The following PHACTR1 variants were observed in gnomAD, a reference collection of about 807,000 sequenced individuals.
The protein encoded by PHACTR1 is RPEL repeat containing 1.
Under a neutral mutation model 69.2 loss-of-function variants are expected in PHACTR1, and 16 were observed. The observed-to-expected ratio is 0.23, with a 90% CI of 0.16 to 0.35. The LOEUF (loss-of-function observed/expected upper bound fraction) is 0.35, where lower values mean the gene tolerates loss of function less well. PHACTR1 is among the 10% of genes least tolerant of loss of function. The pLI, the probability that PHACTR1 is intolerant of heterozygous loss-of-function variation, is 1.00. For missense variants in PHACTR1, 510 were observed against 734.7 expected, an observed-to-expected ratio of 0.69 and a Z score of 3.54; for synonymous variants, 312 against 284.5, an observed-to-expected ratio of 1.10 and a Z score of -0.97.
At chr6:13,219,752 T>C (rs910792534) in intron 8 of PHACTR1, among the ~76,000 whole-genome samples, 1 of 152,226 alleles carries the variant, frequency 6.6e-6, no homozygotes, top group Non-Finnish European at 1.5e-5. Flanking sequence ...AGCTGGATTG[T>C]GTGAACATCT....
intron 4 of PHACTR1, among the ~76,000 whole-genome samples, chr6:12,994,983 A>G (rs1028511173): frequency 2.6e-4 from 40 of 152,288 alleles, no homozygotes; most frequent in African/African-American, 8.9e-4. Context: ...ATCGCCTGCC[A>G]TTCAGAAAGA....
chr6:12,923,578 T>C (rs1353889836), intron 4 of PHACTR1, among the ~76,000 whole-genome samples: 3 of 152,210 alleles, frequency 2.0e-5, no homozygotes, highest in Non-Finnish European at 4.4e-5. Flanking sequence ...TTGAAATTAT[T>C]TCCATGGAAG....
intron 4 of PHACTR1, among the ~76,000 whole-genome samples, chr6:13,007,801 T>TTCAA (rs1325738330): frequency 2.0e-5 from 3 of 152,100 alleles, no homozygotes. Flanking sequence ...ATAGTTCTCC[T>TTCAA]TCAATCACCT....
intron 4 of PHACTR1, among the ~76,000 whole-genome samples, chr6:12,998,193 C>T: frequency 6.6e-6 from 1 of 152,106 alleles, no homozygotes; most frequent in East Asian, 1.9e-4. Context: ...GGCTTCCTGG[C>T]TCACATCATA....
intron 10 of PHACTR1, among the ~76,000 whole-genome samples, chr6:13,240,659 CT>C (rs1178175193): frequency 1.3e-5 from 2 of 152,042 alleles, no homozygotes; most frequent in Non-Finnish European, 2.9e-5. Flanking sequence ...GTTGGTTGGG[CT>C]GGTCTCAAAC....
chr6:12,758,769 G>A (rs753503400), intron 4 of PHACTR1, among the ~76,000 whole-genome samples: 2 of 151,888 alleles, frequency 1.3e-5, no homozygotes, highest in Admixed American at 6.6e-5. Flanking sequence ...ATTTAAAGCT[G>A]GACATTGCTA....
intron 4 of PHACTR1, among the ~76,000 whole-genome samples, chr6:12,760,634 A>G (rs2127610308): frequency 6.6e-6 from 1 of 152,272 alleles, no homozygotes; most frequent in East Asian, 1.9e-4. Flanking sequence ...TCAGAAGATC[A>G]CATCAAAAAC....
At chr6:13,041,165 TACG>T (rs1310127565) in intron 4 of PHACTR1, among the ~76,000 whole-genome samples, 1 of 152,064 alleles carries the variant, frequency 6.6e-6, no homozygotes, top group Non-Finnish European at 1.5e-5. Flanking sequence ...ACAAAAATAA[TACG>T]ACATTTACCT....
chr6:13,278,786 T>C (rs1779497655), intron 12 of PHACTR1, among the ~76,000 whole-genome samples: 1 of 152,084 alleles, frequency 6.6e-6, no homozygotes, highest in South Asian at 2.1e-4. Flanking sequence ...GGTAAAATGC[T>C]GTCTTTGTCA....
rs1193055826 is a variant in PHACTR1 at position 13,278,213 on chromosome 6, C to A, written c.1448-55C>A. The A allele has an allele frequency of 3.3e-6, 5 of 1,521,222 alleles. No individual in the cohort carries two copies. The East Asian group carries it at 7.4e-5, about 22-fold the overall frequency. The allele number at this position is 1,521,222 out of a possible 1,614,324, so 94.2% of individuals were successfully genotyped here. A position where few individuals can be genotyped will look rare whatever the true frequency, so the allele number is the denominator to read the frequency against. The stretch of plus-strand genomic sequence containing the variant: ...AGCCTGCCAAGGTCCAAAGGATGCA[C>A]CTGTACACAACACTGTTTACTGAAA... On this transcript the variant is annotated intron_variant, in intron 11 of 14. Transcript: ENST00000332995.
At chr6:12,732,753 T>C (rs1237160814) in intron 3 of PHACTR1, among the ~76,000 whole-genome samples, 1 of 152,236 alleles carries the variant, frequency 6.6e-6, no homozygotes, top group East Asian at 1.9e-4. Flanking sequence ...TTTTTCTATG[T>C]CTGAATTTAA....
intron 4 of PHACTR1, among the ~76,000 whole-genome samples, chr6:12,797,785 C>T (rs887283525): frequency 1.3e-5 from 2 of 152,074 alleles, no homozygotes; most frequent in Non-Finnish European, 2.9e-5. Context: ...TTTTGTGCCA[C>T]CTGTTCCCTC....
At chr6:13,150,779 T>C (rs1018567083) in intron 5 of PHACTR1, among the ~76,000 whole-genome samples, 3 of 152,236 alleles carry the variant, frequency 2.0e-5, no homozygotes, top group Non-Finnish European at 2.9e-5. Flanking sequence ...TCCTCTTTTA[T>C]ATATTGTTTA....
chr6:13,060,347 G>T (rs1171345536), intron 5 of PHACTR1, among the ~76,000 whole-genome samples: 1 of 152,136 alleles, frequency 6.6e-6, no homozygotes, highest in East Asian at 1.9e-4. Context: ...GCAGCTAAGT[G>T]GGTAAGAGAT....
chr6:13,117,626 G>C (rs906242746), intron 5 of PHACTR1, among the ~76,000 whole-genome samples: 2 of 152,120 alleles, frequency 1.3e-5, no homozygotes, highest in African/African-American at 4.8e-5. Flanking sequence ...CAAGGAGCTG[G>C]GTTATATGTG....
intron 4 of PHACTR1, among the ~76,000 whole-genome samples, chr6:12,750,852 C>T (rs1455591163): frequency 6.6e-6 from 1 of 152,192 alleles, no homozygotes; most frequent in Non-Finnish European, 1.5e-5. Flanking sequence ...CCTTATTATT[C>T]TAGCAACTAT....
intron 4 of PHACTR1, among the ~76,000 whole-genome samples, chr6:12,906,357 G>GA (rs1373286499): frequency 6.6e-6 from 1 of 152,124 alleles, no homozygotes; most frequent in Non-Finnish European, 1.5e-5. Context: ...AGTGCTCAAG[G>GA]GGTCAGCCTT....
At chr6:12,968,773 C>A (rs1793799023) in intron 4 of PHACTR1, among the ~76,000 whole-genome samples, 1 of 152,068 alleles carries the variant, frequency 6.6e-6, no homozygotes, top group South Asian at 2.1e-4. Flanking sequence ...TCCACTGATC[C>A]CCAGGCAAAT....
At chr6:13,228,970 C>G (rs1013271067) in intron 9 of PHACTR1, among the ~76,000 whole-genome samples, 1 of 152,214 alleles carries the variant, frequency 6.6e-6, no homozygotes. Flanking sequence ...TTCTCTCGCT[C>G]TCTACTTACC....
Sources: allele counts gnomAD v4.1 joint callset (sites outside exome capture counted in the v4.1 genomes callset), GRCh38; gene constraint gnomAD v4.1.1; transcripts MANE v1.5; gene names NCBI Gene and HGNC (gene_info 2026-07-23, HGNC 2026-07-21).